Variants in SLC9A8 observed in about 807,000 individuals in gnomAD.
SLC9A8 encodes the protein sodium/hydrogen exchanger 8.
In SLC9A8, 48 loss-of-function variants were observed where a neutral mutation model predicts 66.6. The ratio of observed to expected loss-of-function variants is 0.72; its 90% confidence interval spans 0.57 to 0.92. SLC9A8 has a LOEUF of 0.92. SLC9A8 is among the 40% of genes least tolerant of loss of function. The probability of loss-of-function intolerance (pLI) is 0.00; values close to 1 mark genes in which losing one functional copy is unlikely to be tolerated. For synonymous variants in SLC9A8, 274 were observed against 282.6 expected (o/e 0.97, Z 0.31); for missense variants, 599 against 747.3 (o/e 0.80, Z 2.31).
chr20:49,837,674 ATTC>A (rs2087591996), intron 3 of SLC9A8, among the ~76,000 whole-genome samples: 1 of 152,002 alleles, frequency 6.6e-6, no homozygotes, highest in Non-Finnish European at 1.5e-5. Context: ...GGTTCAAGTG[ATTC>A]TCCTGCCTCA....
chr20:49,862,433 C>T (rs1457030062), intron 8 of SLC9A8, among the ~76,000 whole-genome samples: 1 of 151,836 alleles, frequency 6.6e-6, no homozygotes, highest in Non-Finnish European at 1.5e-5. Context: ...AGATAGTTTT[C>T]GTATTTTTAG....
chr20:49,822,780 C>T (rs894141856), intron 2 of SLC9A8, among the ~76,000 whole-genome samples: 47 of 152,208 alleles, frequency 3.1e-4, no homozygotes, highest in African/African-American at 1.1e-3. Context: ...CAGTGAGACC[C>T]TGTCTCAAAA....
At chr20:49,884,999 C>T (rs182234884) in intron 14 of SLC9A8, among the ~76,000 whole-genome samples, 1 of 152,350 alleles carries the variant, frequency 6.6e-6, no homozygotes, top group Admixed American at 6.5e-5. Flanking sequence ...CCCAGGAGTC[C>T]TCACGTGGCC....
At chr20:49,871,001 A>G (rs977013925) in intron 10 of SLC9A8, among the ~76,000 whole-genome samples, 2 of 152,196 alleles carry the variant, frequency 1.3e-5, no homozygotes, top group East Asian at 1.9e-4. Flanking sequence ...TGCCAAGCCT[A>G]TTACTTTAAA....
At position 49,884,278 on chromosome 20, in the gene SLC9A8, C is replaced by CACACGAG. The variant is rs1568884024; in HGVS notation, c.1491+216_1491+217insGAGACAC. On this transcript the variant is annotated intron_variant, in intron 14 of 15. Transcript: ENST00000361573. ...ACACACGACACACACACACACGACA[C>CACACGAG]ACACACACACGACACACACACACAC... 3.7e-4 allele frequency: 73 copies of CACACGAG among 196,602 alleles called. 2 individuals carry two copies. The highest frequency in any genetic ancestry group is 5.2e-4 in the Non-Finnish European group (57 of 109,530). The allele number at this position is 196,602 out of a possible 1,614,324, so 12.2% of individuals were successfully genotyped here.
intron 3 of SLC9A8, among the ~76,000 whole-genome samples, chr20:49,834,175 CTCTCTCTCTCTA>C (rs1468793077): frequency 8.3e-3 from 479 of 57,880 alleles, no homozygotes; most frequent in African/African-American, 0.028. Flanking sequence ...CTCTCTCTCT[CTCTCTCTCTCTA>C]TATATATATA....
chr20:49,886,112 T>G lies in SLC9A8; in HGVS notation c.1492-640T>G, dbSNP rs1310980187. Among the ~76,000 whole-genome samples the G allele has an allele frequency of 5.0e-5, 3 of 60,040 alleles. No individual in the cohort carries two copies. 39.4% of individuals were successfully genotyped at this position (60,040 alleles called of 152,430 possible). A position where few individuals can be genotyped will look rare whatever the true frequency, so the allele number is the denominator to read the frequency against. On this transcript the variant is annotated intron_variant, in intron 14 of 15. Transcript: ENST00000361573. The surrounding 1 kb of genome is among the most constrained non-coding windows in gnomAD (Gnocchi z 4.8). ...CCTCCCTGCACCTGCCCCGTCCCCCTCCCCACCACCTGCAGTGAAGCTGCA... is the reference window on the plus strand; with the variant it reads ...CCTCCCTGCACCTGCCCCGTCCCCCGCCCCACCACCTGCAGTGAAGCTGCA...
intron 8 of SLC9A8, among the ~76,000 whole-genome samples, chr20:49,858,516 A>G (rs1256637242): frequency 6.6e-6 from 1 of 151,764 alleles, no homozygotes; most frequent in Non-Finnish European, 1.5e-5. Context: ...TTTAAAGAAA[A>G]ATAATTTTTC....
rs767004594 is a variant in SLC9A8, at chr20:49,886,775, C to G, written c.1515C>G (p.His505Gln). The change falls in exon 15 of 16, where the codon CAC becomes CAG. Residue 505 changes from histidine (H) to glutamine (Q), a missense_variant. Coordinates refer to ENST00000361573, the MANE Select transcript of SLC9A8 (RefSeq NM_015266.3). This position sits in a 1 kb window ranked among gnomAD's most constrained non-coding sequence, Gnocchi z 4.8. The part of the protein sequence containing the change: ...EKMGNTVESE[H>Q]LSELTEEEYE... ...AGGGCAACACTGTGGAGTCGGAGCA[C>G]CTGTCGGAGCTCACGGAGGAGGAGT... The G allele has an allele frequency of 9.3e-6, 15 of 1,613,986 alleles. No homozygotes were observed. The highest frequency in any genetic ancestry group is 1.3e-5 in the Non-Finnish European group (15 of 1,180,002).
In SLC9A8 at chr20:49,884,003, CGAG is replaced by C. The variant is rs748071223; in HGVS notation, c.1431_1433del (p.Glu477del). ...TGCCCCTCATTCGCCTCATGGACAT[CGAG>C]GACGCCAAGGCACACCGCAGGAACA... On this transcript the variant is annotated inframe_deletion, in exon 14 of 16. Transcript: ENST00000361573. The C allele has an allele frequency of 1.5e-5, 24 of 1,613,494 alleles. No individual in the cohort carries two copies. The Middle Eastern group carries it at 4.9e-4, about 33-fold the overall frequency.
intron 3 of SLC9A8, among the ~76,000 whole-genome samples, chr20:49,838,923 C>T (rs2087650890): frequency 1.3e-5 from 2 of 151,220 alleles, no homozygotes; most frequent in African/African-American, 2.4e-5. Context: ...TAGGGAGTAA[C>T]AGAGCAATCA....
At chr20:49,855,651 G>T (rs2088445190) in intron 8 of SLC9A8, 70 bp downstream of exon 8, 1 of 1,454,856 alleles carries the variant, frequency 6.9e-7, no homozygotes, top group Admixed American at 2.0e-5. Context: ...CAAAGGGGCA[G>T]ATATTTCCAC....
chr20:49,834,140 T>C (rs2087327095), intron 3 of SLC9A8, among the ~76,000 whole-genome samples: 1 of 42,138 alleles, frequency 2.4e-5, no homozygotes, highest in African/African-American at 1.6e-4. Context: ...TATTAGCTTG[T>C]CTCTCTCTCT....
At chr20:49,830,109 GC>G in intron 3 of SLC9A8, 1 of 743,918 alleles carries the variant, frequency 1.3e-6, no homozygotes, top group Non-Finnish European at 2.5e-6. Flanking sequence ...AGCCAAACAA[GC>G]CATCTCTGTC....
intron 14 of SLC9A8, 200 bp downstream of exon 14, chr20:49,884,266 A>ACAC: frequency 3.1e-6 from 1 of 323,768 alleles, no homozygotes; most frequent in Non-Finnish European, 5.7e-6. Context: ...CACGACACAC[A>ACAC]CACACACGAC....
intron 3 of SLC9A8, among the ~76,000 whole-genome samples, chr20:49,831,385 C>T (rs1399798381): frequency 6.7e-6 from 1 of 149,980 alleles, no homozygotes; most frequent in East Asian, 2.0e-4. Context: ...GCTGTGTACA[C>T]ACACAAACAC....
rs370760616 is a variant in SLC9A8, at chr20:49,884,199, GACACACACACACAC to G, written c.1491+162_1491+175del. 387 of 288,698 alleles carry G rather than the reference GACACACACACACAC, an allele frequency of 1.3e-3. 12 individuals carry two copies. The African/African-American group carries it at 0.02, about 15-fold the overall frequency. The allele number at this position is 288,698 out of a possible 1,614,324, so 17.9% of individuals were successfully genotyped here. On this transcript the variant is annotated intron_variant, in intron 14 of 15. Transcript: ENST00000361573. ...GGATGCCCAGCACCTCCACACACAC[GACACACACACACAC>G]ACACACACACACACACACACACACA...
At position 49,823,079 on chromosome 20, in the gene SLC9A8, T is replaced by C; in HGVS notation, c.227T>C (p.Val76Ala). ...TCCACAGCTATCTGCATCATATTGG[T>C]GCATTTACTGATCCGATACAGATTA... Reference protein sequence around the residue: ...LLVLAICIILVHLLIRYRLHF... With the variant: ...LLVLAICIILAHLLIRYRLHF... Residue 76 changes from valine to alanine, a missense_variant, in exon 3 of 16, where the codon GTG becomes GCG. Around this residue, in one of 2 missense-constraint regions of SLC9A8, gnomAD observed 132 missense variants for 120.9 expected, o/e 1.09. Coordinates refer to ENST00000361573, the MANE Select transcript of SLC9A8 (RefSeq NM_015266.3). 1 of 1,612,348 alleles carries C rather than the reference T, an allele frequency of 6.2e-7. No homozygotes were observed. The highest frequency in any genetic ancestry group is 8.5e-7 in the Non-Finnish European group (1 of 1,179,134).
chr20:49,858,677 G>C (rs2088605679), intron 8 of SLC9A8, among the ~76,000 whole-genome samples: 1 of 152,040 alleles, frequency 6.6e-6, no homozygotes, highest in African/African-American at 2.4e-5. Flanking sequence ...CCAAGATGGG[G>C]CCAGGCATGG....
Sources: allele counts gnomAD v4.1 joint callset (sites outside exome capture counted in the v4.1 genomes callset), GRCh38; gene constraint gnomAD v4.1.1; regional missense constraint gnomAD v4.1.1; non-coding constraint Gnocchi (gnomAD v3.1); transcripts MANE v1.5; gene names NCBI Gene and HGNC (gene_info 2026-07-23, HGNC 2026-07-21).